The following CYB5A variants were observed in gnomAD, a reference collection of about 807,000 sequenced individuals.
CYB5A encodes cytochrome b5.
Under a neutral mutation model 16.2 loss-of-function variants are expected in CYB5A, and 10 were observed. The ratio of observed to expected loss-of-function variants is 0.62; its 90% CI spans 0.38 to 1.04. The LOEUF (loss-of-function observed/expected upper bound fraction) is 1.04, where lower values mean the gene tolerates loss of function less well. Ranked by LOEUF, CYB5A falls within the 50% of genes least tolerant of loss-of-function variation. CYB5A has a pLI of 0.01. For missense variants in CYB5A, 161 were observed against 165.9 expected, an observed-to-expected ratio of 0.97 and a Z score of 0.16; for synonymous variants, 62 against 57.0, an observed-to-expected ratio of 1.09 and a Z score of -0.40.
intron 2 of CYB5A, among the ~76,000 whole-genome samples, chr18:74,261,964 T>TC (rs1271677753): frequency 3.3e-5 from 5 of 152,128 alleles, no homozygotes; most frequent in African/African-American, 1.2e-4. Context: ...AGCCAGGCAC[T>TC]CCCAGAGGTG....
chr18:74,286,182 G>A (rs1007341570), intron 1 of CYB5A, among the ~76,000 whole-genome samples: 1 of 152,256 alleles, frequency 6.6e-6, no homozygotes, highest in Non-Finnish European at 1.5e-5. Context: ...CCTTCGGGGA[G>A]CAGAGCTCCA....
chr18:74,264,334 G>A (rs1325109330), intron 1 of CYB5A, among the ~76,000 whole-genome samples: 2 of 152,134 alleles, frequency 1.3e-5, no homozygotes. Flanking sequence ...CTTTGGTAAT[G>A]TCTGCTTGGT....
chr18:74,264,263 A>C (rs1213490793), intron 1 of CYB5A, among the ~76,000 whole-genome samples: 1 of 151,314 alleles, frequency 6.6e-6, no homozygotes, highest in East Asian at 1.9e-4. Context: ...CTAACAACAT[A>C]AGTTGCTTCC....
chr18:74,268,417 G>A (rs1982533480), intron 1 of CYB5A, among the ~76,000 whole-genome samples: 1 of 152,192 alleles, frequency 6.6e-6, no homozygotes, highest in South Asian at 2.1e-4. Context: ...CCCAGGGTAG[G>A]AGAAAGGGCC....
intron 1 of CYB5A, among the ~76,000 whole-genome samples, chr18:74,266,900 T>C (rs1275547763): frequency 6.6e-6 from 1 of 151,682 alleles, no homozygotes; most frequent in Non-Finnish European, 1.5e-5. Context: ...CACTCCATCC[T>C]AAAGGTCTAT....
At chr18:74,268,887 G>T (rs4892188) in intron 1 of CYB5A, among the ~76,000 whole-genome samples, 19,703 of 152,070 alleles carry the variant, frequency 0.13, 1,458 homozygotes, top group Admixed American at 0.2. Context: ...GCCTCCCACA[G>T]GCTTTTGCGA....
intron 2 of CYB5A, chr18:74,261,447 A>G (rs971012872): frequency 5.4e-6 from 1 of 183,812 alleles, no homozygotes; most frequent in East Asian, 1.3e-4. Context: ...CCCAGTGGGC[A>G]GGTGAAGCAG....
chr18:74,269,699 TTCATCTATTCCATCAGCCAA>T (rs1982596047), intron 1 of CYB5A, among the ~76,000 whole-genome samples: 1 of 152,196 alleles, frequency 6.6e-6, no homozygotes, highest in East Asian at 1.9e-4. Context: ...TCTTTCTTTC[TTCATCTATTCCATCAGCCAA>T]TCCAGTTGGC....
chr18:74,255,214 A>G (rs1181036704), intron 4 of CYB5A, among the ~76,000 whole-genome samples: 1 of 152,234 alleles, frequency 6.6e-6, no homozygotes, highest in Non-Finnish European at 1.5e-5. Context: ...ACTGAAGTCA[A>G]TATGGTAGAG....
intron 2 of CYB5A, chr18:74,261,330 T>G: frequency 3.6e-6 from 1 of 275,582 alleles, no homozygotes; most frequent in Admixed American, 4.6e-5. Flanking sequence ...GTGTATGATA[T>G]CTTCAGTTAA....
At chr18:74,273,495 T>C (rs573004178) in intron 1 of CYB5A, among the ~76,000 whole-genome samples, 12 of 152,348 alleles carry the variant, frequency 7.9e-5, no homozygotes, top group African/African-American at 2.9e-4. Flanking sequence ...TTTCATTTCA[T>C]CCTTAATTAA....
chr18:74,254,954 T>A (rs1429325201), intron 4 of CYB5A, among the ~76,000 whole-genome samples: 1 of 152,256 alleles, frequency 6.6e-6, no homozygotes, highest in African/African-American at 2.4e-5. Context: ...GGACTACAAG[T>A]ATAATCCTTT....
intron 1 of CYB5A, among the ~76,000 whole-genome samples, chr18:74,274,196 A>G (rs996791490): frequency 2.0e-5 from 3 of 152,254 alleles, no homozygotes; most frequent in African/African-American, 7.2e-5. Flanking sequence ...AAATAAGTAC[A>G]ATCAATAAAG....
At chr18:74,285,942 C>T (rs1430020134) in intron 1 of CYB5A, among the ~76,000 whole-genome samples, 5 of 151,906 alleles carry the variant, frequency 3.3e-5, no homozygotes, top group Non-Finnish European at 7.4e-5. Context: ...AGGTGGGAAC[C>T]TAAAAACATG....
At chr18:74,283,788 G>A (rs754763361) in intron 1 of CYB5A, among the ~76,000 whole-genome samples, 1 of 152,148 alleles carries the variant, frequency 6.6e-6, no homozygotes. Context: ...ACACTGGGTC[G>A]CAGCGCCCGC....
At chr18:74,271,076 G>T (rs1788632) in intron 1 of CYB5A, among the ~76,000 whole-genome samples, 21,778 of 152,022 alleles carry the variant, frequency 0.14, 1,655 homozygotes, top group Admixed American at 0.2. Flanking sequence ...CTACTTTTCC[G>T]GAGCTCTAAC....
chr18:74,291,807 G>A lies in CYB5A; in HGVS notation c.69C>T (p.Ser23=). ...TLEEIQKHNH[S]KSTWLILHHK... Reference sequence around the variant, plus strand: ...GGTGCAGGATCAGCCAGGTGCTCTTGCTGTGGTTGTGCTTCTGAATCTCCT... The same window carrying A: ...GGTGCAGGATCAGCCAGGTGCTCTTACTGTGGTTGTGCTTCTGAATCTCCT... The change falls in exon 1 of 5, where the codon AGC becomes AGT. Residue 23 remains serine, a synonymous_variant. Transcript: ENST00000340533. 1 of 1,613,880 alleles carries A rather than the reference G, an allele frequency of 6.2e-7. No individual in the cohort carries two copies. Among genetic ancestry groups the A allele is most frequent in the Non-Finnish European group, 8.5e-7 (1 of 1,179,854 alleles).
intron 1 of CYB5A, among the ~76,000 whole-genome samples, chr18:74,279,254 G>A (rs58014254): frequency 0.038 from 5,750 of 152,362 alleles, 380 homozygotes; most frequent in African/African-American, 0.13. Context: ...AAGGCCGGGC[G>A]CGGTGGCTCA....
At chr18:74,270,090 C>T (rs926278387) in intron 1 of CYB5A, among the ~76,000 whole-genome samples, 1 of 152,064 alleles carries the variant, frequency 6.6e-6, no homozygotes, top group Non-Finnish European at 1.5e-5. Context: ...CATGGCCGCA[C>T]AGCCTCTGGC....
Sources: allele counts gnomAD v4.1 joint callset (sites outside exome capture counted in the v4.1 genomes callset), GRCh38; gene constraint gnomAD v4.1.1; transcripts MANE v1.5; gene names NCBI Gene and HGNC (gene_info 2026-07-23, HGNC 2026-07-21).